Variants in PARVA observed in about 807,000 individuals in gnomAD.
PARVA encodes alpha-parvin.
PARVA carries 25 observed loss-of-function variants against 52.6 expected under a neutral mutation model. The ratio of observed to expected loss-of-function variants is 0.48; its 90% CI spans 0.35 to 0.66. The LOEUF (loss-of-function observed/expected upper bound fraction) is 0.66, where lower values mean the gene tolerates loss of function less well. Among genes scored for constraint, PARVA ranks in the 30% least tolerant of loss-of-function variants. The pLI is 0.01. For missense variants in PARVA, 373 were observed against 450.9 expected, an observed-to-expected ratio of 0.83 and a Z score of 1.56; for synonymous variants, 185 against 179.1, an observed-to-expected ratio of 1.03 and a Z score of -0.26.
chr11:12,416,001 T>G (rs1204961985), intron 1 of PARVA, among the ~76,000 whole-genome samples: 2 of 152,214 alleles, frequency 1.3e-5, no homozygotes, highest in African/African-American at 4.8e-5. Flanking sequence ...TTTGAAAACT[T>G]AGAACTGTTT....
intron 1 of PARVA, among the ~76,000 whole-genome samples, chr11:12,459,888 A>G (rs1940753306): frequency 6.6e-6 from 1 of 152,222 alleles, no homozygotes; most frequent in Non-Finnish European, 1.5e-5. Flanking sequence ...CAGAAAAAAA[A>G]TCAACCATTA....
intron 6 of PARVA, among the ~76,000 whole-genome samples, chr11:12,505,509 T>C (rs1298391607): frequency 6.6e-6 from 1 of 152,190 alleles, no homozygotes; most frequent in African/African-American, 2.4e-5. Flanking sequence ...TTAACTCCAC[T>C]AAGCATTAAG....
intron 4 of PARVA, among the ~76,000 whole-genome samples, chr11:12,484,652 G>T (rs2135048694): frequency 6.6e-6 from 1 of 152,016 alleles, no homozygotes; most frequent in South Asian, 2.1e-4. Context: ...TGTGCTATAT[G>T]CTAACTGCTG....
At chr11:12,475,586 A>T (rs1300140576) in intron 3 of PARVA, among the ~76,000 whole-genome samples, 1 of 152,206 alleles carries the variant, frequency 6.6e-6, no homozygotes, top group African/African-American at 2.4e-5. Context: ...GTCAGCCAGG[A>T]GTATTCAGAA....
intron 4 of PARVA, among the ~76,000 whole-genome samples, chr11:12,483,366 G>C (rs1348737513): frequency 6.6e-6 from 1 of 152,180 alleles, no homozygotes; most frequent in Non-Finnish European, 1.5e-5. Context: ...AACTGAGTAG[G>C]GCACGTAAGA....
At chr11:12,501,329 CAT>C (rs764208480) in intron 5 of PARVA, among the ~76,000 whole-genome samples, 12 of 151,862 alleles carry the variant, frequency 7.9e-5, no homozygotes, top group Non-Finnish European at 1.6e-4. Context: ...CACATATACA[CAT>C]ATATATAGCT....
At chr11:12,436,484 A>T (rs1940390388) in intron 1 of PARVA, among the ~76,000 whole-genome samples, 1 of 152,180 alleles carries the variant, frequency 6.6e-6, no homozygotes, top group Non-Finnish European at 1.5e-5. Flanking sequence ...GGGCCAGAGC[A>T]GAGGGACATG....
At chr11:12,402,724 A>C (rs1201071177) in intron 1 of PARVA, among the ~76,000 whole-genome samples, 1 of 152,194 alleles carries the variant, frequency 6.6e-6, no homozygotes, top group Non-Finnish European at 1.5e-5. Flanking sequence ...TTCCTTCTTC[A>C]CAATTTCAAA....
chr11:12,380,815 A>C (rs948154067), intron 1 of PARVA, among the ~76,000 whole-genome samples: 6 of 152,194 alleles, frequency 3.9e-5, no homozygotes, highest in Admixed American at 1.3e-4. Context: ...CTATTCTGCC[A>C]GCCACGTCGC....
chr11:12,514,136 A>C, intron 10 of PARVA, 71 bp downstream of exon 10: 1 of 1,227,588 alleles, frequency 8.1e-7, no homozygotes, highest in Non-Finnish European at 1.2e-6. Flanking sequence ...GTGGCCCACC[A>C]CACTTGGCCA....
intron 1 of PARVA, among the ~76,000 whole-genome samples, chr11:12,417,116 CG>C (rs1940077614): frequency 6.6e-6 from 1 of 152,060 alleles, no homozygotes; most frequent in Non-Finnish European, 1.5e-5. Context: ...TCAGTGAAAT[CG>C]ACTGATTAGG....
intron 1 of PARVA, among the ~76,000 whole-genome samples, chr11:12,471,891 T>C (rs1940940346): frequency 6.6e-6 from 1 of 152,236 alleles, no homozygotes; most frequent in Non-Finnish European, 1.5e-5. Context: ...CCAGTAAGCC[T>C]AGCCTTGCAG....
intron 4 of PARVA, 173 bp downstream of exon 4, chr11:12,478,122 T>C (rs1190637700): frequency 1.4e-6 from 1 of 693,098 alleles, no homozygotes; most frequent in Non-Finnish European, 2.7e-6. Context: ...CCTCTTGGAA[T>C]GTTTCATATG....
At chr11:12,522,514 G>GTTC (rs1383166595) in intron 12 of PARVA, among the ~76,000 whole-genome samples, 2 of 148,092 alleles carry the variant, frequency 1.4e-5, no homozygotes, top group African/African-American at 2.5e-5. Flanking sequence ...CCCCTCCCAG[G>GTTC]TTCAAGAGAT....
rs897235173 is a variant in PARVA at position 12,530,980 on chromosome 11, C to T, written c.*3055C>T. On this transcript the variant is annotated 3_prime_UTR_variant, in exon 13 of 13. Transcript: ENST00000334956. ...TTATCAGAGGCATCCTCATGTGCCT[C>T]GAACCGAATGTTTTTAAGTCCTCTT... Among the ~76,000 whole-genome samples the T allele has an allele frequency of 2.6e-5, 4 of 152,134 alleles. No homozygotes were observed. The highest frequency in any genetic ancestry group is 1.3e-4 in the Admixed American group (2 of 15,270).
chr11:12,398,703 G>T (rs115568678), intron 1 of PARVA, among the ~76,000 whole-genome samples: 292 of 151,910 alleles, frequency 1.9e-3, no homozygotes, highest in African/African-American at 6.7e-3. Flanking sequence ...CTCAATACCA[G>T]ATCTCTAGTG....
At chr11:12,455,634 T>A (rs1206994476) in intron 1 of PARVA, among the ~76,000 whole-genome samples, 1 of 152,196 alleles carries the variant, frequency 6.6e-6, no homozygotes, top group Non-Finnish European at 1.5e-5. Flanking sequence ...TTTTGTTCTA[T>A]ATATTTTTAG....
At chr11:12,464,437 C>T (rs1940827623) in intron 1 of PARVA, among the ~76,000 whole-genome samples, 1 of 152,172 alleles carries the variant, frequency 6.6e-6, no homozygotes, top group African/African-American at 2.4e-5. Flanking sequence ...ACACATATAG[C>T]AGTATCAGCA....
chr11:12,526,231 TC>T (rs1242568076), intron 12 of PARVA, among the ~76,000 whole-genome samples: 1 of 136,378 alleles, frequency 7.3e-6, no homozygotes, highest in Non-Finnish European at 1.7e-5. Flanking sequence ...AAAAATAAAA[TC>T]TTTTTTTTTA....
Sources: allele counts gnomAD v4.1 joint callset (sites outside exome capture counted in the v4.1 genomes callset), GRCh38; gene constraint gnomAD v4.1.1; transcripts MANE v1.5; gene names NCBI Gene and HGNC (gene_info 2026-07-23, HGNC 2026-07-21).